SERPINB11: variants seen among roughly 807,000 people sequenced by gnomAD.
The protein encoded by SERPINB11 is serpin family B member 11.
In SERPINB11, 32 loss-of-function variants were observed where a neutral mutation model predicts 36.7. The ratio of observed to expected loss-of-function variants is 0.87; its 90% confidence interval spans 0.66 to 1.17. The LOEUF (loss-of-function observed/expected upper bound fraction) is 1.17. Among genes scored for constraint, SERPINB11 ranks in the 50% most tolerant of loss-of-function variants. The pLI, the probability that SERPINB11 is intolerant of heterozygous loss-of-function variation, is 0.00. For synonymous variants in SERPINB11, 174 were observed against 168.1 expected (o/e 1.04, Z -0.27); for missense variants, 528 against 458.4 (o/e 1.15, Z -1.39).
rs368222195 is a variant in SERPINB11, at chr18:63,720,926, C to G, written c.714C>G (p.Tyr238Ter). ...AGATGCAAGTTCTTGAGCTGCCCTA[C>G]GTTAACAACAAATTAAGCATGATTA... ...EPQMQVLELP[Y>*]VNNKLSMIIL... The change falls in exon 7 of 8, where the codon TAC becomes TAG. Residue 238 changes from tyrosine to a stop codon, truncating the protein, a stop_gained. Transcript: ENST00000544088. LOFTEE classifies it high-confidence loss of function. 2 of 1,607,880 alleles carry G rather than the reference C, an allele frequency of 1.2e-6. No individual in the cohort carries two copies. The highest frequency in any genetic ancestry group is 1.3e-5 in the African/African-American group (1 of 74,852).
chr18:63,712,509 C>G, intron 3 of SERPINB11, 56 bp from the exon 4 acceptor site: 1 of 1,595,270 alleles, frequency 6.3e-7, no homozygotes, highest in South Asian at 1.1e-5. Context: ...TTATCATTCT[C>G]CAATGGCAAA....
At position 63,723,008 on chromosome 18, in the gene SERPINB11, T is replaced by C; in HGVS notation, c.788T>C (p.Leu263Pro). The change falls in exon 8 of 8, where the codon CTG becomes CCG. Residue 263 changes from leucine (L) to proline (P), a missense_variant. Leu to Pro is a moderately conservative substitution (Grantham distance 98). Coordinates refer to ENST00000544088, the MANE Select transcript of SERPINB11 (RefSeq NM_001370475.1). Reference sequence around the variant, plus strand: ...TTTGTCTCTTAGATAGAAAAGCAGCTGAATTCGGGGACGTTTCATGAGTGG... The same window carrying C: ...TTTGTCTCTTAGATAGAAAAGCAGCCGAATTCGGGGACGTTTCATGAGTGG... ...IANLKQIEKQ[L>P]NSGTFHEWTS... is the part of the protein sequence containing the mutation. The C allele has an allele frequency of 6.4e-7, 1 of 1,572,760 alleles. No homozygotes were observed.
rs776235905 is a variant in SERPINB11 at position 63,716,083 on chromosome 18, G to A, written c.406G>A (p.Val136Met). 3 of 1,612,436 alleles carry A rather than the reference G, an allele frequency of 1.9e-6. No individual in the cohort carries two copies. Among genetic ancestry groups the A allele is most frequent in the Non-Finnish European group, 2.5e-6 (3 of 1,179,070 alleles). Residue 136 changes from valine (V) to methionine (M), a missense_variant, in exon 5 of 8, where the codon GTG (valine) becomes ATG (methionine). By Grantham distance (21) the Val-to-Met change is conservative. Transcript: ENST00000544088. ...ATGGTATCAAGCCAGGTTGCAAACT[G>A]TGGATTTTGAACAGTCTACAGAAGA... ...EKWYQARLQT[V>M]DFEQSTEETR... is the part of the protein sequence containing the mutation.
Position 63,703,111 on chromosome 18 carries a change from C to G in SERPINB11, c.-16+105C>G, listed in dbSNP as rs148167985. On this transcript the variant is annotated intron_variant, in intron 1 of 7. Coordinates refer to ENST00000544088, the MANE Select transcript of SERPINB11 (RefSeq NM_001370475.1). ...CATTTGGACAGGTTGCATAATGAAC[C>G]AAATGAAGGGGCAACTTATTATTTA... is the stretch of plus-strand genomic sequence containing the variant. The G allele has an allele frequency of 4.6e-5, 7 of 152,182 alleles. No individual in the cohort carries two copies. In the East Asian group the frequency reaches 1.3e-3, roughly 29 times the overall value. The allele number at this position is 152,182 out of a possible 1,614,324, so 9.4% of individuals were successfully genotyped here.
rs545137624 is a variant in SERPINB11, at chr18:63,711,363, C to T, written c.197C>T (p.Ser66Leu). 3 of 1,611,062 alleles carry T rather than the reference C, an allele frequency of 1.9e-6. No homozygotes were observed. Among genetic ancestry groups the T allele is most frequent in the South Asian group, 2.2e-5 (2 of 90,964 alleles). The change falls in exon 3 of 8, where the codon TCA becomes TTA. Residue 66 changes from serine to leucine, a missense_variant. Ser to Leu is a moderately radical substitution (Grantham distance 145). Coordinates refer to ENST00000544088, the MANE Select transcript of SERPINB11 (RefSeq NM_001370475.1). The stretch of plus-strand genomic sequence containing the variant: ...CTTCATTTTAGTCATACTGTAGACT[C>T]ATTAAAACCAGGGTTCAAGGACTCA... Reference protein sequence around the residue: ...KVLHFSHTVDSLKPGFKDSPK... With the variant: ...KVLHFSHTVDLLKPGFKDSPK...
At chr18:63,707,954 G>C (rs762703854) in intron 1 of SERPINB11, among the ~76,000 whole-genome samples, 2 of 152,202 alleles carry the variant, frequency 1.3e-5, no homozygotes, top group African/African-American at 2.4e-5. Context: ...CAGAATTAAT[G>C]GTCAGGGAGA....
chr18:63,716,926 T>C (rs117794178), intron 5 of SERPINB11, among the ~76,000 whole-genome samples: 57 of 152,228 alleles, frequency 3.7e-4, no homozygotes, highest in Non-Finnish European at 7.2e-4. Flanking sequence ...AGTAAATTAT[T>C]GTATGTGTGC....
chr18:63,716,677 T>G (rs1044997641), intron 5 of SERPINB11, among the ~76,000 whole-genome samples: 3 of 152,132 alleles, frequency 2.0e-5, no homozygotes, highest in Non-Finnish European at 4.4e-5. Context: ...TTTCACTTTG[T>G]TTTTCTAAAA....
chr18:63,722,997 A>C lies in SERPINB11; in HGVS notation c.777A>C (p.Ile259=), dbSNP rs1189264226. Residue 259 remains isoleucine (I), a splice_region_variant and synonymous_variant, in exon 8 of 8, where the codon ATA becomes ATC. Transcript: ENST00000544088. ...CTTGTCTGTGTTTTGTCTCTTAGATAGAAAAGCAGCTGAATTCGGGGACGT... is the reference window on the plus strand; with the variant it reads ...CTTGTCTGTGTTTTGTCTCTTAGATCGAAAAGCAGCTGAATTCGGGGACGT... ...LPVGIANLKQ[I]EKQLNSGTFH... is the part of the protein sequence containing the mutation. 1 of 1,565,152 alleles carries C rather than the reference A, an allele frequency of 6.4e-7. No individual in the cohort carries two copies. Among genetic ancestry groups the C allele is most frequent in the South Asian group, 1.2e-5 (1 of 80,046 alleles).
chr18:63,707,127 TGGGGCCTGAGAA>T (rs1217393974), intron 1 of SERPINB11, among the ~76,000 whole-genome samples: 1 of 152,192 alleles, frequency 6.6e-6, no homozygotes, highest in African/African-American at 2.4e-5. Flanking sequence ...GGCTTGCTCT[TGGGGCCTGAGAA>T]GGGTGAAGCC....
intron 1 of SERPINB11, among the ~76,000 whole-genome samples, chr18:63,703,407 G>A (rs1914290832): frequency 6.6e-6 from 1 of 152,126 alleles, no homozygotes. Context: ...CTATGTGTTG[G>A]AGACAATTTC....
chr18:63,703,444 CTT>C (rs1914291763), intron 1 of SERPINB11, among the ~76,000 whole-genome samples: 1 of 152,156 alleles, frequency 6.6e-6, no homozygotes, highest in South Asian at 2.1e-4. Context: ...TCAGTTTCCT[CTT>C]ATAGCTTTAA....
rs1314178866 is a variant in SERPINB11 at position 63,710,169 on chromosome 18, C to T, written c.-15-10C>T. 6.3e-7 allele frequency: 1 copy of T among 1,582,948 alleles called. No homozygotes were observed. The highest frequency in any genetic ancestry group is 8.6e-7 in the Non-Finnish European group (1 of 1,165,286). On this transcript the variant is annotated splice_polypyrimidine_tract_variant and intron_variant, in intron 1 of 7. Coordinates refer to ENST00000544088, the MANE Select transcript of SERPINB11 (RefSeq NM_001370475.1). ...TGATGTTCTGAGAATTTTTTCCCTT[C>T]TGTTCTCAGGCAGTCGGCATAAAAA...
intron 4 of SERPINB11, among the ~76,000 whole-genome samples, chr18:63,714,071 C>A (rs1311039202): frequency 6.6e-6 from 1 of 152,126 alleles, no homozygotes; most frequent in Non-Finnish European, 1.5e-5. Flanking sequence ...AATGTAGGTT[C>A]TTTTCTGTTT....
Position 63,720,531 on chromosome 18 carries a change from T to C in SERPINB11, c.619-300T>C, listed in dbSNP as rs151239172. ...AAAGATTAAAAAGAAAATGATTTAA[T>C]GATATATCCTTTTTCTTCCCACTAA... On this transcript the variant is annotated intron_variant, in intron 6 of 7. Transcript: ENST00000544088. 3.1e-3 allele frequency: 1,146 copies of C among 367,598 alleles called. 19 individuals carry two copies. The highest frequency in any genetic ancestry group is 0.022 in the African/African-American group (1,024 of 47,100). 22.8% of individuals were successfully genotyped at this position (367,598 alleles called of 1,614,324 possible).
At chr18:63,712,450 G>A in intron 3 of SERPINB11, 115 bp from the exon 4 acceptor site, 8 of 1,030,152 alleles carry the variant, frequency 7.8e-6, no homozygotes, top group South Asian at 1.6e-5. Flanking sequence ...TAATTTCCTT[G>A]TATTCACAGC....
chr18:63,705,976 AC>A (rs951555224), intron 1 of SERPINB11, among the ~76,000 whole-genome samples: 1 of 152,222 alleles, frequency 6.6e-6, no homozygotes, highest in Non-Finnish European at 1.5e-5. Flanking sequence ...TATTAAAATC[AC>A]CTTAAAGGAA....
Position 63,723,095 on chromosome 18 carries a change from A to G in SERPINB11, c.875A>G (p.Glu292Gly), listed in dbSNP as rs778427317. ...GTACACCTCCCCCGATTCAAACTTG[A>G]AACTAAGTATGAGCTAAATTCCCTG... The part of the protein sequence containing the change: ...VEVHLPRFKL[E>G]TKYELNSLLK... The change falls in exon 8 of 8, where the codon GAA (glutamate) becomes GGA (glycine). Residue 292 changes from glutamate to glycine, a missense_variant. Transcript: ENST00000544088. 1 of 1,605,830 alleles carries G rather than the reference A, an allele frequency of 6.2e-7. No homozygotes were observed. Among genetic ancestry groups the G allele is most frequent in the Non-Finnish European group, 8.5e-7 (1 of 1,175,598 alleles).
chr18:63,720,376 G>A, intron 6 of SERPINB11: 1 of 507,390 alleles, frequency 2.0e-6, no homozygotes, highest in South Asian at 2.4e-5. Context: ...AGATTCTCTG[G>A]CAGAGGAGAA....
Sources: allele counts gnomAD v4.1 joint callset (sites outside exome capture counted in the v4.1 genomes callset), GRCh38; gene constraint gnomAD v4.1.1; transcripts MANE v1.5; gene names NCBI Gene and HGNC (gene_info 2026-07-23, HGNC 2026-07-21).